ZFYVE28: variants seen among roughly 807,000 people sequenced by gnomAD.
ZFYVE28 encodes lateral signaling target protein 2 homolog.
In ZFYVE28, 40 loss-of-function variants were observed where a neutral mutation model predicts 82.1. The ratio of observed to expected loss-of-function variants is 0.49; its 90% CI spans 0.38 to 0.63. ZFYVE28 has a LOEUF of 0.63. Ranked by LOEUF, ZFYVE28 falls within the 30% of genes least tolerant of loss-of-function variation. The pLI is 0.00. For synonymous variants in ZFYVE28, 612 were observed against 546.1 expected (o/e 1.12, Z -1.68); for missense variants, 1,321 against 1,242.1 (o/e 1.06, Z -0.96).
chr4:2,405,738 T>C (rs949586653), intron 1 of ZFYVE28, among the ~76,000 whole-genome samples: 1 of 152,154 alleles, frequency 6.6e-6, no homozygotes, highest in Non-Finnish European at 1.5e-5. Context: ...GTTCTCTTGG[T>C]TCTTTCAACA....
intron 2 of ZFYVE28, among the ~76,000 whole-genome samples, chr4:2,349,174 T>C (rs1394273610): frequency 6.6e-6 from 1 of 152,108 alleles, no homozygotes; most frequent in Non-Finnish European, 1.5e-5. Flanking sequence ...TGGCATGAGA[T>C]TCAAACTTTT....
At chr4:2,271,493 C>T in intron 11 of ZFYVE28, 79 bp from the exon 12 acceptor site, 2 of 1,507,868 alleles carry the variant, frequency 1.3e-6, no homozygotes, top group Non-Finnish European at 1.8e-6. Flanking sequence ...CTACCCTGGG[C>T]CCTCCTTTCC....
intron 1 of ZFYVE28, among the ~76,000 whole-genome samples, chr4:2,383,705 G>A (rs994208759): frequency 1.3e-5 from 2 of 152,176 alleles, no homozygotes; most frequent in African/African-American, 4.8e-5. Context: ...TGGAGTGAAT[G>A]GCAGGCCACA....
chr4:2,304,033 G>A (rs1358945611), intron 8 of ZFYVE28, among the ~76,000 whole-genome samples: 2 of 152,240 alleles, frequency 1.3e-5, no homozygotes, highest in East Asian at 3.9e-4. Flanking sequence ...CAGGCACCCG[G>A]AACATCAGAA....
chr4:2,357,742 C>T (rs1478355676), intron 1 of ZFYVE28, among the ~76,000 whole-genome samples: 1 of 152,196 alleles, frequency 6.6e-6, no homozygotes, highest in African/African-American at 2.4e-5. Flanking sequence ...AGGCCAGGTA[C>T]TGAATTTAGG....
intron 1 of ZFYVE28, among the ~76,000 whole-genome samples, chr4:2,378,121 T>C (rs112330103): frequency 0.18 from 27,380 of 152,132 alleles, 2,908 homozygotes; most frequent in African/African-American, 0.3. Flanking sequence ...GGGCGGATCA[T>C]TTGAGGTCAG....
At chr4:2,302,726 G>A (rs976848451) in intron 8 of ZFYVE28, among the ~76,000 whole-genome samples, 1 of 152,210 alleles carries the variant, frequency 6.6e-6, no homozygotes, top group African/African-American at 2.4e-5. Context: ...CCATCCACTG[G>A]TGAGTGAAGA....
At chr4:2,343,942 A>G (rs1723164449) in intron 2 of ZFYVE28, among the ~76,000 whole-genome samples, 1 of 152,190 alleles carries the variant, frequency 6.6e-6, no homozygotes, top group Non-Finnish European at 1.5e-5. Flanking sequence ...ACTTGCTAGG[A>G]CTTCTAACGC....
intron 1 of ZFYVE28, among the ~76,000 whole-genome samples, chr4:2,413,841 C>T (rs866154587): frequency 6.6e-6 from 1 of 152,122 alleles, no homozygotes; most frequent in Admixed American, 6.5e-5. Flanking sequence ...AGTGACTGCC[C>T]TCTCATAGGC....
chr4:2,341,143 C>G lies in ZFYVE28; in HGVS notation c.318+335G>C, dbSNP rs632158. 0.23 allele frequency among the ~76,000 whole-genome samples: 34,744 copies of G among 152,038 alleles called. 4,072 individuals carry two copies. The highest frequency in any genetic ancestry group is 0.37 in the Middle Eastern group (108 of 294). Reference sequence around the variant, plus strand: ...CCTGCTGCTGCCCATGCTGCAGGGCCGGAGGGGAACACTTGTTCCTGATGT... The same window carrying G: ...CCTGCTGCTGCCCATGCTGCAGGGCGGGAGGGGAACACTTGTTCCTGATGT... On this transcript the variant is annotated intron_variant, in intron 3 of 12. Transcript: ENST00000290974. The surrounding 1 kb of genome is among the most constrained non-coding windows in gnomAD (Gnocchi z 4.5).
At chr4:2,295,939 G>A (rs1714495034) in intron 8 of ZFYVE28, 1 of 152,410 alleles carries the variant, frequency 6.6e-6, no homozygotes, top group Non-Finnish European at 1.5e-5. Flanking sequence ...GGTGATGGTG[G>A]GGAAGGATCA....
chr4:2,303,648 A>G (rs1214734885), intron 8 of ZFYVE28, among the ~76,000 whole-genome samples: 2 of 152,094 alleles, frequency 1.3e-5, no homozygotes, highest in East Asian at 3.9e-4. Context: ...ATGGGAGCCC[A>G]TGAGAAGAGA....
At chr4:2,356,454 GC>G (rs1366171005) in intron 1 of ZFYVE28, among the ~76,000 whole-genome samples, 6 of 121,544 alleles carry the variant, frequency 4.9e-5, no homozygotes, top group South Asian at 2.7e-4. Context: ...TGATGTGCCT[GC>G]CCCCCCGGCC....
At position 2,354,086 on chromosome 4, in the gene ZFYVE28, G is replaced by T; in HGVS notation, c.40-13C>A. 1 of 1,527,110 alleles carries T rather than the reference G, an allele frequency of 6.5e-7. No homozygotes were observed. Among genetic ancestry groups the T allele is most frequent in the East Asian group, 2.5e-5 (1 of 40,192 alleles). 94.6% of individuals were successfully genotyped at this position (1,527,110 alleles called of 1,614,324 possible). A position where few individuals can be genotyped will look rare whatever the true frequency, so the allele number is the denominator to read the frequency against. On this transcript the variant is annotated splice_polypyrimidine_tract_variant and intron_variant, in intron 1 of 12. Transcript: ENST00000290974. ...GCGGATCCGACCTCTGCAGGAGAGA[G>T]GGGCCAGGGCCATGAGTGGGTGGGG...
At chr4:2,399,688 G>T (rs552419695) in intron 1 of ZFYVE28, among the ~76,000 whole-genome samples, 1 of 152,344 alleles carries the variant, frequency 6.6e-6, no homozygotes, top group African/African-American at 2.4e-5. Context: ...CAGAGAAGCC[G>T]CCTGCCTCCC....
At chr4:2,386,003 C>T (rs918201506) in intron 1 of ZFYVE28, among the ~76,000 whole-genome samples, 3 of 152,220 alleles carry the variant, frequency 2.0e-5, no homozygotes, top group African/African-American at 7.2e-5. Context: ...TTTAATTTTC[C>T]ATTTGCAGAC....
At chr4:2,286,551 C>A (rs991511697) in intron 8 of ZFYVE28, 4 of 152,302 alleles carry the variant, frequency 2.6e-5, no homozygotes, top group African/African-American at 9.6e-5. Context: ...GAGCACAGAA[C>A]CCAGCTGTGC....
chr4:2,314,872 G>A (rs1378995482), intron 7 of ZFYVE28, among the ~76,000 whole-genome samples: 1 of 152,094 alleles, frequency 6.6e-6, no homozygotes, highest in Non-Finnish European at 1.5e-5. Flanking sequence ...TCAAACTCCT[G>A]GGCTCAAATG....
At chr4:2,331,609 G>T (rs893579244) in intron 6 of ZFYVE28, among the ~76,000 whole-genome samples, 6 of 152,204 alleles carry the variant, frequency 3.9e-5, no homozygotes, top group Admixed American at 1.3e-4. Flanking sequence ...TCCCCAGGAC[G>T]CGTGTCTCAA....
Sources: allele counts gnomAD v4.1 joint callset (sites outside exome capture counted in the v4.1 genomes callset), GRCh38; gene constraint gnomAD v4.1.1; non-coding constraint Gnocchi (gnomAD v3.1); transcripts MANE v1.5; gene names NCBI Gene and HGNC (gene_info 2026-07-23, HGNC 2026-07-21).